The following ZNF365 variants were observed in gnomAD, a reference collection of about 807,000 sequenced individuals.
ZNF365 encodes the protein protein ZNF365.
Under a neutral mutation model 35.0 loss-of-function variants are expected in ZNF365, and 22 were observed. The observed-to-expected ratio is 0.63, with a 90% CI of 0.45 to 0.90. The LOEUF (loss-of-function observed/expected upper bound fraction) is 0.90, where lower values mean the gene tolerates loss of function less well. Ranked by LOEUF, ZNF365 falls within the 40% of genes least tolerant of loss-of-function variation. The pLI, the probability that ZNF365 is intolerant of heterozygous loss-of-function variation, is 0.00. For synonymous variants in ZNF365, 188 were observed against 196.2 expected (o/e 0.96, Z 0.35); for missense variants, 448 against 500.3 (o/e 0.90, Z 1.00).
intron 4 of ZNF365, chr10:62,479,830 A>G (rs763080187): frequency 8.2e-6 from 11 of 1,339,984 alleles, no homozygotes; most frequent in African/African-American, 4.3e-5. Context: ...TGGCACCTAG[A>G]TACCACTGCA....
In ZNF365 at chr10:62,399,672, C is replaced by T. The variant is rs1472470456; in HGVS notation, c.1107C>T (p.Ser369=). 6.2e-7 allele frequency: 1 copy of T among 1,614,130 alleles called. No homozygotes were observed. The highest frequency in any genetic ancestry group is 8.5e-7 in the Non-Finnish European group (1 of 1,180,032). ...AGGCCATTCACGAACAGGCTGAGTC[C>T]TCAAGAGACCTCTGCAGACCTCCAA... ...PAKAIHEQAE[S]SRDLCRPPKK... is the part of the protein sequence containing the mutation. Residue 369 remains serine (S), a synonymous_variant, in exon 5 of 5, where the codon TCC becomes TCT. Transcript: ENST00000395254.
intron 4 of ZNF365, among the ~76,000 whole-genome samples, chr10:62,463,028 G>T (rs1367659918): frequency 6.6e-6 from 1 of 152,168 alleles, no homozygotes; most frequent in Non-Finnish European, 1.5e-5. Context: ...AGGCCTTGTT[G>T]TGGATCATTT....
At position 62,458,499 on chromosome 10, in the gene ZNF365, T is replaced by C. The variant is rs376159976; in HGVS notation, c.925-1242T>C. On this transcript the variant is annotated intron_variant, in intron 3 of 4. Transcript: ENST00000395255. ...ACACACACACACACACACACACACA[T>C]ATATATATAATATTGTGTGGGTATA... Among the ~76,000 whole-genome samples, 329 of 120,124 alleles carry C rather than the reference T, an allele frequency of 2.7e-3. 5 individuals are homozygous for C. The East Asian group carries it at 0.045, about 16-fold the overall frequency. The allele number at this position is 120,124 out of a possible 152,430, so 78.8% of individuals were successfully genotyped here.
At chr10:62,468,706 T>A (rs1217120093) in intron 4 of ZNF365, among the ~76,000 whole-genome samples, 1 of 152,206 alleles carries the variant, frequency 6.6e-6, no homozygotes, top group East Asian at 1.9e-4. Context: ...ACCATCCACA[T>A]CAATTTGTGA....
intron 3 of ZNF365, among the ~76,000 whole-genome samples, chr10:62,446,992 G>A (rs1840600637): frequency 6.6e-6 from 1 of 152,138 alleles, no homozygotes; most frequent in South Asian, 2.1e-4. Flanking sequence ...GCTTCATTTA[G>A]CAAACCTGAC....
chr10:62,389,722 C>A (rs3852425), intron 3 of ZNF365, among the ~76,000 whole-genome samples: 71,781 of 152,062 alleles, frequency 0.47, 19,934 homozygotes, highest in East Asian at 0.71. Flanking sequence ...CTACATGGTG[C>A]TTGTTGTAAT....
At chr10:62,451,213 G>A (rs773856466) in intron 3 of ZNF365, among the ~76,000 whole-genome samples, 1 of 152,174 alleles carries the variant, frequency 6.6e-6, no homozygotes, top group Non-Finnish European at 1.5e-5. Context: ...CACTTTTTCT[G>A]ATATGAATCT....
At chr10:62,453,562 C>G (rs749237084) in intron 3 of ZNF365, among the ~76,000 whole-genome samples, 19 of 152,210 alleles carry the variant, frequency 1.2e-4, no homozygotes, top group Non-Finnish European at 2.6e-4. Flanking sequence ...AATTCCGTAT[C>G]TTTGCTATTG....
At chr10:62,393,694 G>A (rs1176225335) in intron 3 of ZNF365, among the ~76,000 whole-genome samples, 2 of 152,216 alleles carry the variant, frequency 1.3e-5, no homozygotes, top group South Asian at 4.1e-4. Flanking sequence ...AAATATTTAT[G>A]TTTGTACCTT....
chr10:62,415,688 T>C (rs1346189998), intron 3 of ZNF365, among the ~76,000 whole-genome samples: 3 of 152,160 alleles, frequency 2.0e-5, no homozygotes, highest in African/African-American at 7.2e-5. Context: ...TGCCCTCACA[T>C]CTTCTGAAAT....
chr10:62,449,357 C>T (rs1840641819), intron 3 of ZNF365, among the ~76,000 whole-genome samples: 1 of 152,122 alleles, frequency 6.6e-6, no homozygotes, highest in Non-Finnish European at 1.5e-5. Context: ...GGAGGGGTTC[C>T]AGTGTGGGTG....
intron 3 of ZNF365, among the ~76,000 whole-genome samples, chr10:62,418,495 A>C (rs1840115393): frequency 6.6e-6 from 1 of 152,026 alleles, no homozygotes; most frequent in Non-Finnish European, 1.5e-5. Flanking sequence ...ACCAATCAGA[A>C]GGGGTGCCTG....
chr10:62,408,779 A>G (rs370306497), intron 3 of ZNF365, among the ~76,000 whole-genome samples: 1 of 152,174 alleles, frequency 6.6e-6, no homozygotes, highest in East Asian at 1.9e-4. Flanking sequence ...CCAAAATATC[A>G]GAGCTACTGG....
chr10:62,396,167 A>G (rs1839723946), intron 3 of ZNF365, among the ~76,000 whole-genome samples: 1 of 152,148 alleles, frequency 6.6e-6, no homozygotes, highest in Non-Finnish European at 1.5e-5. Flanking sequence ...CATTTATAGG[A>G]TCTTTGGAGG....
intron 3 of ZNF365, among the ~76,000 whole-genome samples, chr10:62,449,194 G>T (rs927734356): frequency 6.6e-6 from 1 of 152,168 alleles, no homozygotes; most frequent in African/African-American, 2.4e-5. Context: ...TTTATCAGTT[G>T]TGTTATTTTG....
In ZNF365 at chr10:62,401,504, C is replaced by T; in HGVS notation, c.*1715C>T. Reference sequence around the variant, plus strand: ...CAGTTTATGGGGGGGGTAGATCATTCATGTGATATATAAGCAGCTATCAAG... The same window carrying T: ...CAGTTTATGGGGGGGGTAGATCATTTATGTGATATATAAGCAGCTATCAAG... On this transcript the variant is annotated 3_prime_UTR_variant, in exon 5 of 5. Transcript: ENST00000395254. The T allele has an allele frequency of 1.0e-6, 1 of 985,362 alleles. No individual in the cohort carries two copies. The highest frequency in any genetic ancestry group is 1.2e-6 in the Non-Finnish European group (1 of 829,906). The allele number at this position is 985,362 out of a possible 1,614,324, so 61.0% of individuals were successfully genotyped here.
At chr10:62,427,093 C>T (rs549236015) in intron 3 of ZNF365, among the ~76,000 whole-genome samples, 5 of 152,292 alleles carry the variant, frequency 3.3e-5, no homozygotes, top group East Asian at 1.9e-4. Context: ...AACATCCTAG[C>T]GCAACACGTT....
intron 4 of ZNF365, among the ~76,000 whole-genome samples, chr10:62,465,986 A>T (rs771720130): frequency 2.5e-4 from 38 of 152,188 alleles, no homozygotes; most frequent in Non-Finnish European, 2.1e-4. Flanking sequence ...GAGAAGCAGC[A>T]GTGGGGACAG....
At chr10:62,377,831 A>C (rs1277745630) in intron 2 of ZNF365, among the ~76,000 whole-genome samples, 1 of 152,224 alleles carries the variant, frequency 6.6e-6, no homozygotes, top group African/African-American at 2.4e-5. Context: ...GATGGAGTAA[A>C]ACATCCTAAA....
Sources: allele counts gnomAD v4.1 joint callset (sites outside exome capture counted in the v4.1 genomes callset), GRCh38; gene constraint gnomAD v4.1.1; transcripts MANE v1.5; gene names NCBI Gene and HGNC (gene_info 2026-07-23, HGNC 2026-07-21).